RIC1: variants seen among roughly 807,000 people sequenced by gnomAD.
The protein encoded by RIC1 is guanine nucleotide exchange factor subunit RIC1.
Under a neutral mutation model 169.0 loss-of-function variants are expected in RIC1, and 88 were observed. The ratio of observed to expected loss-of-function variants is 0.52; its 90% CI spans 0.44 to 0.62. RIC1 has a LOEUF of 0.62. RIC1 is among the 20% of genes least tolerant of loss of function. RIC1 has a pLI of 0.00. For missense variants in RIC1, 1,877 were observed against 1,725.5 expected (o/e 1.09, Z -1.56); for synonymous variants, 790 against 601.5 (o/e 1.31, Z -4.59).
At chr9:5,710,308 T>C (rs1373685066) in intron 3 of RIC1, among the ~76,000 whole-genome samples, 1 of 152,200 alleles carries the variant, frequency 6.6e-6, no homozygotes. Context: ...CTGTCTGGTT[T>C]AACAATATGT....
rs183047394 is a variant in RIC1 at position 5,694,643 on chromosome 9, C to G, written c.332+4605C>G. Among the ~76,000 whole-genome samples, 14 of 152,284 alleles carry G rather than the reference C, an allele frequency of 9.2e-5. No homozygotes were observed. The East Asian group carries it at 2.7e-3, about 29-fold the overall frequency. On this transcript the variant is annotated intron_variant, in intron 3 of 25. Coordinates refer to ENST00000414202, the MANE Select transcript of RIC1 (RefSeq NM_020829.4). Reference sequence around the variant, plus strand: ...TTATATAAGTTCTGGATAGTGAAAACTCCCTTATTGGCCACACTTCCAAGG... The same window carrying G: ...TTATATAAGTTCTGGATAGTGAAAAGTCCCTTATTGGCCACACTTCCAAGG...
At chr9:5,680,815 A>AGTTT (rs1820776598) in intron 2 of RIC1, among the ~76,000 whole-genome samples, 1 of 57,738 alleles carries the variant, frequency 1.7e-5, no homozygotes, top group East Asian at 7.5e-4. Context: ...GCAGTCATTG[A>AGTTT]TTTTTTTTTT....
At chr9:5,669,691 A>T (rs187593613) in intron 2 of RIC1, among the ~76,000 whole-genome samples, 2 of 152,332 alleles carry the variant, frequency 1.3e-5, no homozygotes, top group Admixed American at 1.3e-4. Context: ...TATATAGGGA[A>T]CACTGCAGTG....
At chr9:5,754,098 C>T (rs139517315) in intron 14 of RIC1, among the ~76,000 whole-genome samples, 107 of 152,174 alleles carry the variant, frequency 7.0e-4, no homozygotes, top group African/African-American at 2.5e-3. Context: ...TATTAGGTGC[C>T]TATTGTGTGT....
At chr9:5,716,606 C>T (rs907334256) in intron 4 of RIC1, among the ~76,000 whole-genome samples, 5 of 152,144 alleles carry the variant, frequency 3.3e-5, no homozygotes, top group African/African-American at 1.2e-4. Flanking sequence ...GAGACTGTGT[C>T]TCAAAAGAAA....
At chr9:5,730,917 C>G (rs1202546981) in intron 6 of RIC1, among the ~76,000 whole-genome samples, 1 of 152,120 alleles carries the variant, frequency 6.6e-6, no homozygotes. Flanking sequence ...CCATCCACTT[C>G]ACTCTATCCA....
At chr9:5,642,962 A>G (rs1386790671) in intron 1 of RIC1, among the ~76,000 whole-genome samples, 1 of 152,156 alleles carries the variant, frequency 6.6e-6, no homozygotes, top group African/African-American at 2.4e-5. Flanking sequence ...GAAATCTAGT[A>G]CCATTTTTAT....
At chr9:5,742,819 A>AAATTT in intron 8 of RIC1, 50 bp from the exon 9 acceptor site, 1 of 1,448,198 alleles carries the variant, frequency 6.9e-7, no homozygotes. Flanking sequence ...AAAAACAAGT[A>AAATTT]TTTCTGAAGC....
intron 2 of RIC1, among the ~76,000 whole-genome samples, chr9:5,682,993 G>C (rs1035563479): frequency 6.6e-6 from 1 of 152,090 alleles, no homozygotes; most frequent in African/African-American, 2.4e-5. Flanking sequence ...CGTAGTTCTC[G>C]TGCCATGGGT....
intron 6 of RIC1, among the ~76,000 whole-genome samples, chr9:5,728,110 G>C (rs1824116457): frequency 6.6e-6 from 1 of 152,222 alleles, no homozygotes; most frequent in African/African-American, 2.4e-5. Flanking sequence ...ACTGTCTGCT[G>C]CCTTTTGTTC....
At chr9:5,724,553 C>A (rs527813331) in intron 6 of RIC1, among the ~76,000 whole-genome samples, 2 of 152,286 alleles carry the variant, frequency 1.3e-5, no homozygotes, top group African/African-American at 2.4e-5. Context: ...CCCTTTATTT[C>A]TTTCTTCTGC....
In RIC1 at chr9:5,774,652, C is replaced by T. The variant is rs41280737; in HGVS notation, c.*406C>T. ...TAAAAAATAAATGCTAAGGTGCTTG[C>T]TATAGTCTGTCAGGTACTTGAGCTA... On this transcript the variant is annotated 3_prime_UTR_variant, in exon 26 of 26. Coordinates refer to ENST00000414202, the MANE Select transcript of RIC1 (RefSeq NM_020829.4). The T allele has an allele frequency of 1.5e-3, 248 of 161,328 alleles. No individual in the cohort carries two copies. Among genetic ancestry groups the T allele is most frequent in the Non-Finnish European group, 3.0e-3 (224 of 73,454 alleles). 10.0% of individuals were successfully genotyped at this position (161,328 alleles called of 1,614,324 possible).
intron 25 of RIC1, 55 bp from the exon 26 acceptor site, chr9:5,773,903 C>G (rs1363241241): frequency 2.0e-6 from 3 of 1,469,808 alleles, no homozygotes; most frequent in East Asian, 2.3e-5. Flanking sequence ...CCGTAATGTT[C>G]TACCAAACCT....
chr9:5,735,688 G>C (rs145421109), intron 7 of RIC1, among the ~76,000 whole-genome samples: 48 of 152,280 alleles, frequency 3.2e-4, no homozygotes, highest in African/African-American at 1.2e-3. Flanking sequence ...GGTGATAGCT[G>C]GTGTCCTTAG....
intron 1 of RIC1, among the ~76,000 whole-genome samples, chr9:5,645,155 G>C (rs371475076): frequency 6.8e-4 from 103 of 151,876 alleles, no homozygotes; most frequent in East Asian, 1.2e-3. Flanking sequence ...TTGGGCTCAA[G>C]TGATCCTTCC....
intron 3 of RIC1, among the ~76,000 whole-genome samples, chr9:5,697,133 G>T (rs1821951005): frequency 6.6e-6 from 1 of 152,194 alleles, no homozygotes; most frequent in Non-Finnish European, 1.5e-5. Flanking sequence ...AACCCCTGCA[G>T]GTTTCTAGAG....
intron 1 of RIC1, among the ~76,000 whole-genome samples, chr9:5,642,578 G>A (rs535544351): frequency 1.4e-5 from 2 of 144,812 alleles, no homozygotes; most frequent in East Asian, 3.9e-4. Context: ...ATTCTGTTCT[G>A]TTGTGGCTAA....
chr9:5,629,856 A>C (rs899788056), intron 1 of RIC1, among the ~76,000 whole-genome samples: 9 of 152,280 alleles, frequency 5.9e-5, no homozygotes, highest in African/African-American at 1.9e-4. Context: ...CCTTACTTTA[A>C]AGGTCGCCGT....
At chr9:5,739,508 A>G (rs1319243276) in intron 8 of RIC1, among the ~76,000 whole-genome samples, 2 of 152,126 alleles carry the variant, frequency 1.3e-5, no homozygotes, top group East Asian at 3.9e-4. Flanking sequence ...GCACCTCCTC[A>G]TGGGTCATAC....
Sources: allele counts gnomAD v4.1 joint callset (sites outside exome capture counted in the v4.1 genomes callset), GRCh38; gene constraint gnomAD v4.1.1; transcripts MANE v1.5; gene names NCBI Gene and HGNC (gene_info 2026-07-23, HGNC 2026-07-21).